Variants in PCDHGB1 observed in about 807,000 individuals in gnomAD.
PCDHGB1 encodes the protein protocadherin gamma-B1.
A neutral mutation model predicts 56.6 loss-of-function variants in PCDHGB1; 34 were observed. The observed-to-expected ratio is 0.60, with a 90% CI of 0.46 to 0.80. The LOEUF is 0.80. Among genes scored for constraint, PCDHGB1 ranks in the 30% least tolerant of loss-of-function variants. The pLI, the probability that PCDHGB1 is intolerant of heterozygous loss-of-function variation, is 0.00. For missense variants in PCDHGB1, 1,278 were observed against 1,204.6 expected, an observed-to-expected ratio of 1.06 and a Z score of -0.90; for synonymous variants, 561 against 505.9, an observed-to-expected ratio of 1.11 and a Z score of -1.46.
intron 2 of PCDHGB1, among the ~76,000 whole-genome samples, chr5:141,503,797 G>A (rs2099831309): frequency 6.6e-6 from 1 of 152,006 alleles, no homozygotes; most frequent in South Asian, 2.1e-4. Context: ...ATCTACTTAG[G>A]GACGGGGAAT....
At chr5:141,369,597 A>G (rs1199462765) in intron 1 of PCDHGB1, among the ~76,000 whole-genome samples, 1 of 152,230 alleles carries the variant, frequency 6.6e-6, no homozygotes, top group Non-Finnish European at 1.5e-5. Context: ...CTATACTTCT[A>G]TTTTATAAGG....
chr5:141,435,073 G>A (rs535689336), intron 1 of PCDHGB1, among the ~76,000 whole-genome samples: 150 of 151,756 alleles, frequency 9.9e-4, no homozygotes, highest in Middle Eastern at 3.4e-3. Flanking sequence ...TGTGTAGACC[G>A]TCTGATAACA....
chr5:141,383,575 G>A (rs1229661535), intron 1 of PCDHGB1: 17 of 1,613,114 alleles, frequency 1.1e-5, no homozygotes, highest in Non-Finnish European at 1.4e-5. Context: ...ATCCAGCACC[G>A]CCCACATCCA....
At chr5:141,372,149 C>T in intron 1 of PCDHGB1, 2 of 1,613,782 alleles carry the variant, frequency 1.2e-6, no homozygotes, top group Non-Finnish European at 1.7e-6. Context: ...CAGAGCCTGG[C>T]TACCTGGTGA....
chr5:141,378,083 A>G (rs1774605949), intron 1 of PCDHGB1: 2 of 152,174 alleles, frequency 1.3e-5, no homozygotes, highest in South Asian at 4.1e-4. Context: ...TAATTTTATA[A>G]CTTTTTTTCA....
Position 141,420,413 on chromosome 5 carries a change from A to G in PCDHGB1, c.2409+67744A>G, listed in dbSNP as rs191893876. 4 of 1,222,394 alleles carry G rather than the reference A, an allele frequency of 3.3e-6. No individual in the cohort carries two copies. In the Admixed American group the frequency reaches 1.1e-4, roughly 33 times the overall value. 75.7% of individuals were successfully genotyped at this position (1,222,394 alleles called of 1,614,324 possible). A position where few individuals can be genotyped will look rare whatever the true frequency, so the allele number is the denominator to read the frequency against. ...ATAGGTCAAATTTATGGTTATCATT[A>G]TTAAAACAAAAGTTTAAATTAAATG... On this transcript the variant is annotated intron_variant, in intron 1 of 3. Transcript: ENST00000523390.
rs773944794 is a variant in PCDHGB1 at position 141,477,003 on chromosome 5, C to T, written c.2410-17804C>T. 1.2e-6 allele frequency: 2 copies of T among 1,614,214 alleles called. No homozygotes were observed. The highest frequency in any genetic ancestry group is 8.5e-7 in the Non-Finnish European group (1 of 1,180,040). On this transcript the variant is annotated intron_variant, in intron 1 of 3. Transcript: ENST00000523390. This position sits in a 1 kb window ranked among gnomAD's most constrained non-coding sequence, Gnocchi z 4.9. ...CGCGCCGGCGTGCGGCAACTATTCG[C>T]CTTAGACCTTGTAACCGGGATGCTG...
chr5:141,440,793 C>T (rs1448130354), intron 1 of PCDHGB1: 1 of 152,124 alleles, frequency 6.6e-6, no homozygotes, highest in Non-Finnish European at 1.5e-5. Context: ...TAGACGGCCC[C>T]CCAACAAAGC....
At chr5:141,375,802 T>A (rs754541889) in intron 1 of PCDHGB1, 3 of 1,614,190 alleles carry the variant, frequency 1.9e-6, no homozygotes, top group East Asian at 2.2e-5. Flanking sequence ...ACGGTTCCAC[T>A]GGCGTGGAGC....
chr5:141,423,265 G>A (rs973635802), intron 1 of PCDHGB1: 15 of 1,613,548 alleles, frequency 9.3e-6, no homozygotes, highest in African/African-American at 1.3e-5. Context: ...CGGCAGCCTC[G>A]AGTCTCTGGC....
chr5:141,405,439 A>G (rs1285285172), intron 1 of PCDHGB1: 1 of 1,423,798 alleles, frequency 7.0e-7, no homozygotes, highest in Admixed American at 2.0e-5. Context: ...TTTGTTTTTG[A>G]GACAGAGTCT....
Position 141,432,846 on chromosome 5 carries a change from C to T in PCDHGB1, c.2410-61961C>T, listed in dbSNP as rs1312403897. ...GACCTCACTCTGTACCTGGTGGTAGCGGTGGCCGCGGTCTCCTGCGTCTTC... is the reference window on the plus strand; with the variant it reads ...GACCTCACTCTGTACCTGGTGGTAGTGGTGGCCGCGGTCTCCTGCGTCTTC... On this transcript the variant is annotated intron_variant, in intron 1 of 3. Transcript: ENST00000523390. The surrounding 1 kb of genome is among the most constrained non-coding windows in gnomAD (Gnocchi z 6.0). 2.5e-6 allele frequency: 4 copies of T among 1,614,192 alleles called. No homozygotes were observed. The African/African-American group carries it at 5.3e-5, about 22-fold the overall frequency.
At chr5:141,508,096 G>A (rs1489615862) in intron 3 of PCDHGB1, 1 of 152,476 alleles carries the variant, frequency 6.6e-6, no homozygotes, top group African/African-American at 2.4e-5. Context: ...CCTTGGCCCT[G>A]GGATGGGGTA....
rs1588712478 is a variant in PCDHGB1 at position 141,372,895 on chromosome 5, T to G, written c.2409+20226T>G. On this transcript the variant is annotated intron_variant, in intron 1 of 3. Transcript: ENST00000523390. ...AGATAAAAAGAATACAGATTAAATA[T>G]TCCCTGATTACATTATTTTATTGAT... 5 of 1,115,450 alleles carry G rather than the reference T, an allele frequency of 4.5e-6. No individual in the cohort carries two copies. The East Asian group carries it at 1.3e-4, about 29-fold the overall frequency. The allele number at this position is 1,115,450 out of a possible 1,614,324, so 69.1% of individuals were successfully genotyped here.
At chr5:141,434,691 A>G (rs1263712056) in intron 1 of PCDHGB1, among the ~76,000 whole-genome samples, 2 of 152,150 alleles carry the variant, frequency 1.3e-5, no homozygotes. Flanking sequence ...GCTTGCTGTT[A>G]ATAAATATGT....
At position 141,476,379 on chromosome 5, in the gene PCDHGB1, T is replaced by TTCA. The variant is rs768549633; in HGVS notation, c.2410-18428_2410-18427insTCA. 9 of 1,614,126 alleles carry TTCA rather than the reference T, an allele frequency of 5.6e-6. No homozygotes were observed. The East Asian group carries it at 2.0e-4, about 36-fold the overall frequency. ...AACCGGGAGACCGGAGAGATGTTTG[T>TTCA]GAACGACCGTCTGGATCGAGAGGAG... On this transcript the variant is annotated intron_variant, in intron 1 of 3. Transcript: ENST00000523390. This position sits in a 1 kb window ranked among gnomAD's most constrained non-coding sequence, Gnocchi z 7.6.
At chr5:141,508,682 C>G (rs2099870913) in intron 3 of PCDHGB1, among the ~76,000 whole-genome samples, 1 of 152,080 alleles carries the variant, frequency 6.6e-6, no homozygotes, top group Non-Finnish European at 1.5e-5. Context: ...TCCCTTCTCC[C>G]TGCTTCTCCG....
intron 1 of PCDHGB1, chr5:141,413,279 TCTC>T (rs759727755): frequency 2.4e-5 from 39 of 1,613,826 alleles, no homozygotes; most frequent in Non-Finnish European, 3.1e-5. Flanking sequence ...GCCCGGCAGA[TCTC>T]CTACTCAATT....
chr5:141,492,461 G>T (rs1218833302), intron 1 of PCDHGB1, among the ~76,000 whole-genome samples: 1 of 152,212 alleles, frequency 6.6e-6, no homozygotes, highest in Non-Finnish European at 1.5e-5. Flanking sequence ...CGCGCCTGAG[G>T]GTCCCAGATC....
Sources: allele counts gnomAD v4.1 joint callset (sites outside exome capture counted in the v4.1 genomes callset), GRCh38; gene constraint gnomAD v4.1.1; non-coding constraint Gnocchi (gnomAD v3.1); transcripts MANE v1.5; gene names NCBI Gene and HGNC (gene_info 2026-07-23, HGNC 2026-07-21).